COLEC10: variants seen among roughly 807,000 people sequenced by gnomAD.
COLEC10 encodes the protein collectin subfamily member 10, also known as collectin-10.
In COLEC10, 22 loss-of-function variants were observed where a neutral mutation model predicts 28.4. That is an observed-to-expected ratio of 0.78 (90% confidence interval 0.55 to 1.11). The LOEUF is 1.11. Ranked by LOEUF, COLEC10 falls within the 50% of genes least tolerant of loss-of-function variation. The pLI, the probability that COLEC10 is intolerant of heterozygous loss-of-function variation, is 0.00. For missense variants in COLEC10, 361 were observed against 344.1 expected, an observed-to-expected ratio of 1.05 and a Z score of -0.39; for synonymous variants, 125 against 116.1, an observed-to-expected ratio of 1.08 and a Z score of -0.49.
intron 1 of COLEC10, among the ~76,000 whole-genome samples, chr8:119,005,668 A>G (rs1813781076): frequency 6.6e-6 from 1 of 152,168 alleles, no homozygotes; most frequent in African/African-American, 2.4e-5. Flanking sequence ...ACTAGTTTCT[A>G]AAGAGTGTTA....
At chr8:119,098,675 A>G (rs931779642) in intron 3 of COLEC10, among the ~76,000 whole-genome samples, 1 of 152,116 alleles carries the variant, frequency 6.6e-6, no homozygotes, top group African/African-American at 2.4e-5. Context: ...GCATAATAAA[A>G]CATATTATTT....
At chr8:118,993,658 GTCTT>G (rs774901771), upstream of COLEC10, among the ~76,000 whole-genome samples, 5 of 152,140 alleles carry the variant, frequency 3.3e-5, no homozygotes, top group East Asian at 7.7e-4. Flanking sequence ...CCCAGCCATG[GTCTT>G]TCTTCTATGT....
rs1404777128 is a variant in COLEC10, at chr8:119,082,236, GCC to G, written c.149-7443_149-7442del. Among the ~76,000 whole-genome samples, 540 of 152,258 alleles carry G rather than the reference GCC, an allele frequency of 3.5e-3. 4 individuals are homozygous for G. Among genetic ancestry groups the G allele is most frequent in the African/African-American group, 0.013 (524 of 41,558 alleles). ...AGTAGAGGCAGTGGTGTGTGTATTTGCCACCTGGGCTGCCTTATGAGATTATT... is the reference window on the plus strand; with the variant it reads ...AGTAGAGGCAGTGGTGTGTGTATTTGACCTGGGCTGCCTTATGAGATTATT... On this transcript the variant is annotated intron_variant, in intron 1 of 5. Transcript: ENST00000332843.
chr8:119,040,772 G>A (rs1273565860), intron 2 of COLEC10, among the ~76,000 whole-genome samples: 1 of 152,176 alleles, frequency 6.6e-6, no homozygotes, highest in Admixed American at 6.5e-5. Context: ...ATCAACAGAA[G>A]GGAAGGATCA....
rs1814734402 is a variant in COLEC10, at chr8:119,054,766, T to C, written n.236-34914T>C. ...TTTTAAACAAAAGTGTTCCTCAATG[T>C]TGTATAAATTGTGACATGCCCTTCC... On this transcript the variant is annotated intron_variant and non_coding_transcript_variant, in intron 2 of 6. Coordinates refer to the COLEC10 transcript ENST00000521788. Among the ~76,000 whole-genome samples the C allele has an allele frequency of 3.3e-5, 5 of 152,084 alleles. No individual in the cohort carries two copies. The South Asian group carries it at 1.0e-3, about 32-fold the overall frequency.
At chr8:119,094,956 T>A in intron 3 of COLEC10, among the ~76,000 whole-genome samples, 1 of 152,144 alleles carries the variant, frequency 6.6e-6, no homozygotes, top group Admixed American at 6.6e-5. Flanking sequence ...AGCACAGCCC[T>A]CTATCAGCAA....
At chr8:119,021,465 A>G (rs1290895792) in intron 2 of COLEC10, among the ~76,000 whole-genome samples, 1 of 152,142 alleles carries the variant, frequency 6.6e-6, no homozygotes, top group African/African-American at 2.4e-5. Flanking sequence ...GTCCTCTACA[A>G]TCAGTGCAGT....
chr8:119,058,518 T>A (rs1814801061), intron 2 of COLEC10, among the ~76,000 whole-genome samples: 1 of 152,106 alleles, frequency 6.6e-6, no homozygotes, highest in African/African-American at 2.4e-5. Flanking sequence ...TCACATATTA[T>A]GTATCCATTT....
chr8:119,034,796 C>T (rs1040532333), intron 2 of COLEC10, among the ~76,000 whole-genome samples: 2 of 152,172 alleles, frequency 1.3e-5, no homozygotes, highest in African/African-American at 4.8e-5. Flanking sequence ...CTGATTCTGA[C>T]ACTTACTAGC....
rs34539026 is a variant in COLEC10 at position 119,009,848 on chromosome 8, TAA to T, written n.235+303_235+304del. 2.1e-4 allele frequency among the ~76,000 whole-genome samples: 30 copies of T among 143,968 alleles called. 1 individual carries two copies. The highest frequency in any genetic ancestry group is 3.5e-3 in the Middle Eastern group (1 of 288). The allele number at this position is 143,968 out of a possible 152,430, so 94.4% of individuals were successfully genotyped here. A position where few individuals can be genotyped will look rare whatever the true frequency, so the allele number is the denominator to read the frequency against. The stretch of plus-strand genomic sequence containing the variant: ...CAATTGAAAGCTCAGCTCTTTTTTT[TAA>T]AAAAAAATAGACTTTATGTTTTAGA... On this transcript the variant is annotated intron_variant and non_coding_transcript_variant, in intron 2 of 6. Transcript: ENST00000521788.
At chr8:119,005,011 T>C (rs534796820) in intron 1 of COLEC10, among the ~76,000 whole-genome samples, 1 of 152,236 alleles carries the variant, frequency 6.6e-6, no homozygotes, top group South Asian at 2.1e-4. Context: ...ATGATCATGT[T>C]ATTTCCATGC....
At chr8:118,997,911 T>G (rs750253982) in intron 1 of COLEC10, among the ~76,000 whole-genome samples, 35 of 152,318 alleles carry the variant, frequency 2.3e-4, no homozygotes, top group Admixed American at 5.2e-4. Context: ...AAGGTATTAG[T>G]GTTAACAAGT....
At position 119,003,499 on chromosome 8, in the gene COLEC10, A is replaced by G. The variant is rs547658067; in HGVS notation, n.123-5942A>G. On this transcript the variant is annotated intron_variant and non_coding_transcript_variant, in intron 1 of 6. Coordinates refer to the COLEC10 transcript ENST00000521788. Reference sequence around the variant, plus strand: ...ATCACAAAATGATTTCAGCATAAACAGAAGAAGGCTGTGGTAGACATCACT... The same window carrying G: ...ATCACAAAATGATTTCAGCATAAACGGAAGAAGGCTGTGGTAGACATCACT... Among the ~76,000 whole-genome samples, 12 of 152,262 alleles carry G rather than the reference A, an allele frequency of 7.9e-5. No homozygotes were observed. In the South Asian group the frequency reaches 1.9e-3, roughly 24 times the overall value.
intron 2 of COLEC10, among the ~76,000 whole-genome samples, chr8:119,024,622 C>T (rs1445401869): frequency 6.6e-6 from 1 of 152,034 alleles, no homozygotes; most frequent in African/African-American, 2.4e-5. Context: ...AGTGTGCAGC[C>T]ACCTGCCTTT....
At chr8:119,003,515 A>G (rs1478571299) in intron 1 of COLEC10, among the ~76,000 whole-genome samples, 1 of 152,120 alleles carries the variant, frequency 6.6e-6, no homozygotes, top group Non-Finnish European at 1.5e-5. Flanking sequence ...AGGCTGTGGT[A>G]GACATCACTA....
At chr8:119,038,567 A>G (rs1442915574) in intron 2 of COLEC10, among the ~76,000 whole-genome samples, 6 of 152,234 alleles carry the variant, frequency 3.9e-5, no homozygotes, top group African/African-American at 1.4e-4. Context: ...AACAAAACAC[A>G]AAAGTTGATA....
At chr8:118,966,523 A>G in the COLEC10 span, among the ~76,000 whole-genome samples, 1 of 152,144 alleles carries the variant, frequency 6.6e-6, no homozygotes, top group Non-Finnish European at 1.5e-5. Context: ...GTCATAGCAC[A>G]CTGATCCTTT....
chr8:119,028,776 G>C (rs1342263233), intron 2 of COLEC10, among the ~76,000 whole-genome samples: 1 of 152,172 alleles, frequency 6.6e-6, no homozygotes, highest in Non-Finnish European at 1.5e-5. Context: ...TTAATAGGTG[G>C]TCATGTCATC....
intron 2 of COLEC10, among the ~76,000 whole-genome samples, chr8:119,033,328 G>A (rs117435955): frequency 0.044 from 6,682 of 150,538 alleles, 215 homozygotes; most frequent in East Asian, 0.16. Flanking sequence ...CATTAAGGAC[G>A]TAGGCATGGG....
Sources: gnomAD v4.1 joint callset for allele counts (sites outside exome capture counted in the v4.1 genomes callset) on GRCh38, gnomAD v4.1.1 for gene constraint, MANE v1.5 for transcripts, NCBI Gene and HGNC (gene_info 2026-07-23, HGNC 2026-07-21) for gene names.